Variants in ZSCAN5B observed in about 807,000 individuals in gnomAD.
The protein encoded by ZSCAN5B is zinc finger and SCAN domain containing 5B.
In ZSCAN5B, 26 loss-of-function variants were observed where a neutral mutation model predicts 25.2. That is an observed-to-expected ratio of 1.03 (90% CI 0.76 to 1.43). The LOEUF (loss-of-function observed/expected upper bound fraction) is 1.43, where lower values mean the gene tolerates loss of function less well. Among genes scored for constraint, ZSCAN5B ranks in the 40% most tolerant of loss-of-function variants. ZSCAN5B has a pLI of 0.00. For missense variants in ZSCAN5B, 745 were observed against 622.1 expected, an observed-to-expected ratio of 1.20 and a Z score of -2.10; for synonymous variants, 244 against 240.9, an observed-to-expected ratio of 1.01 and a Z score of -0.12.
chr19:56,189,758 C>G, exon 5 of ZSCAN5B: 5 of 1,522,576 alleles, frequency 3.3e-6, no homozygotes, highest in Non-Finnish European at 3.5e-6. Context: ...TATATGTCAT[C>G]TGGTAACATT....
exon 5 of ZSCAN5B, chr19:56,189,987 T>C (rs1335350044): frequency 6.2e-7 from 1 of 1,613,984 alleles, no homozygotes; most frequent in South Asian, 1.1e-5. Context: ...TTTGCTGCAG[T>C]ATTTACATTT....
chr19:56,192,523 T>C, intron 2 of ZSCAN5B, 146 bp downstream of exon 2: 1 of 1,377,070 alleles, frequency 7.3e-7, no homozygotes, highest in Admixed American at 2.6e-5. Context: ...CCTCACACAG[T>C]GTGTGGGTTC....
chr19:56,189,847 G>C (rs373288645), exon 5 of ZSCAN5B: 2 of 1,609,460 alleles, frequency 1.2e-6, no homozygotes, highest in South Asian at 2.2e-5. Context: ...GTGGTTTCCC[G>C]GTGTGTTTTC....
At chr19:56,192,077 A>G in intron 2 of ZSCAN5B, 24 bp from the exon 3 acceptor site, 1 of 1,585,738 alleles carries the variant, frequency 6.3e-7, no homozygotes, top group Non-Finnish European at 8.6e-7. Context: ...AAAGACAATC[A>G]GACACTATGA....
chr19:56,191,994 A>C, exon 3 of ZSCAN5B: 1 of 1,613,768 alleles, frequency 6.2e-7, no homozygotes, highest in Non-Finnish European at 8.5e-7. Flanking sequence ...CGGGGGCTTC[A>C]GCCATCTCGA....
At chr19:56,190,763 A>G in intron 4 of ZSCAN5B, 74 bp downstream of exon 4, 1 of 1,560,070 alleles carries the variant, frequency 6.4e-7, no homozygotes, top group Non-Finnish European at 8.6e-7. Flanking sequence ...CCAGGGGATG[A>G]TAATGCTGGG....
rs1367532437 is a variant in ZSCAN5B, at chr19:56,191,002, C to T, written c.589-15G>A. 7.4e-6 allele frequency: 12 copies of T among 1,613,960 alleles called. No homozygotes were observed. Among genetic ancestry groups the T allele is most frequent in the Non-Finnish European group, 1.0e-5 (12 of 1,179,974 alleles). ...AAGTCCTCTCCCTGAAGAGGAAAAACCAAGAGCAATGACTGCCGTGTCTAT... is the reference window on the plus strand; with the variant it reads ...AAGTCCTCTCCCTGAAGAGGAAAAATCAAGAGCAATGACTGCCGTGTCTAT... On this transcript the variant is annotated splice_polypyrimidine_tract_variant and intron_variant, in intron 3 of 4. Coordinates refer to ENST00000586855, the Ensembl canonical transcript of ZSCAN5B.
rs2032752808 is a variant in ZSCAN5B at position 56,192,666 on chromosome 19, C to T, written c.384+3G>A. The T allele has an allele frequency of 6.3e-7, 1 of 1,592,706 alleles. No homozygotes were observed. Among genetic ancestry groups the T allele is most frequent in the Non-Finnish European group, 8.6e-7 (1 of 1,167,488 alleles). On this transcript the variant is annotated splice_donor_region_variant and intron_variant, in intron 2 of 4. Coordinates refer to ENST00000586855, the Ensembl canonical transcript of ZSCAN5B. Reference sequence around the variant, plus strand: ...CTGCACCAATCACGAGGTTCCCACTCACCCATTTCTTGGGTCTTCTGTTAT... The same window carrying T: ...CTGCACCAATCACGAGGTTCCCACTTACCCATTTCTTGGGTCTTCTGTTAT...
Position 56,189,893 on chromosome 19 carries a change from C to T in ZSCAN5B, c.1422G>A (p.Lys474=), listed in dbSNP as rs780272286. Residue 474 remains lysine, a synonymous_variant, in exon 5 of 5, where the codon AAG becomes AAA. Coordinates refer to ENST00000586855, the Ensembl canonical transcript of ZSCAN5B. Reference sequence around the variant, plus strand: ...TGAATGTCCCCAGCTGACGGAAGGCCTTTTGACAGGTGGGACATTTGTAGG... The same window carrying T: ...TGAATGTCCCCAGCTGACGGAAGGCTTTTTGACAGGTGGGACATTTGTAGG... 16 of 1,613,930 alleles carry T rather than the reference C, an allele frequency of 9.9e-6. No individual in the cohort carries two copies. In the East Asian group the frequency reaches 3.3e-4, roughly 34 times the overall value.
At chr19:56,197,769 T>C (rs2032829395) in exon 1 of ZSCAN5B, 1 of 985,402 alleles carries the variant, frequency 1.0e-6, no homozygotes, top group Non-Finnish European at 1.2e-6. Flanking sequence ...CTTCTCGGTC[T>C]GGGATGCGCT....
exon 5 of ZSCAN5B, chr19:56,190,512 G>A: frequency 6.2e-7 from 1 of 1,613,836 alleles, no homozygotes; most frequent in Non-Finnish European, 8.5e-7. Context: ...AGGTGTGTCA[G>A]CATCCACATT....
chr19:56,197,313 C>T (rs2032823053), intron 1 of ZSCAN5B, among the ~76,000 whole-genome samples: 2 of 151,754 alleles, frequency 1.3e-5, no homozygotes, highest in African/African-American at 2.4e-5. Flanking sequence ...GCGGGTATTA[C>T]CCTAACCTCT....
exon 2 of ZSCAN5B, chr19:56,192,905 A>C (rs779309402): frequency 6.2e-7 from 1 of 1,614,102 alleles, no homozygotes; most frequent in East Asian, 2.2e-5. Context: ...GGGCAGCTGA[A>C]CATCCTGAAA....
At chr19:56,190,907 C>T (rs1184133925) in exon 4 of ZSCAN5B, 2 of 1,614,142 alleles carry the variant, frequency 1.2e-6, no homozygotes, top group South Asian at 1.1e-5. Context: ...CCTTCAGATC[C>T]TTCTCCAAGG....
intron 1 of ZSCAN5B, among the ~76,000 whole-genome samples, chr19:56,196,532 A>ACACACCTTGTGTACAAGGTT (rs1177496387): frequency 6.6e-6 from 1 of 152,184 alleles, no homozygotes; most frequent in Non-Finnish European, 1.5e-5. Context: ...TGCTCGATTT[A>ACACACCTTGTGTACAAGGTT]GCCGTTGCAC....
chr19:56,189,923 C>G lies in ZSCAN5B; in HGVS notation c.1392G>C (p.Glu464Asp), dbSNP rs906231988. The G allele has an allele frequency of 1.1e-5, 18 of 1,613,936 alleles. No homozygotes were observed. The highest frequency in any genetic ancestry group is 1.5e-5 in the Non-Finnish European group (18 of 1,179,944). ...GACAGGTGGGACATTTGTAGGGCTT[C>G]TCTCCGGAGTGGGTGCGCTGGTGAA... The change falls in exon 5 of 5, where the codon GAG becomes GAC. Residue 464 changes from glutamate (E) to aspartate (D), a missense_variant. Physicochemically the swap from Glu to Asp is conservative, Grantham distance 45 (BLOSUM62 2). Coordinates refer to ENST00000586855, the Ensembl canonical transcript of ZSCAN5B.
chr19:56,196,546 G>A (rs2032812987), intron 1 of ZSCAN5B, among the ~76,000 whole-genome samples: 1 of 152,104 alleles, frequency 6.6e-6, no homozygotes, highest in South Asian at 2.1e-4. Flanking sequence ...GTTGCACAAT[G>A]CGTACACACC....
rs761690422 is a variant in ZSCAN5B at position 56,192,983 on chromosome 19, G to A, written c.70C>T (p.Arg24Trp). ...TGAGTTTCTGGGGACGCCACAGACC[G>A]TGGAGTGTCTGACCCAGGGCTGTTG... The change falls in exon 2 of 5, where the codon CGG becomes TGG. Residue 24 changes from arginine (R) to tryptophan (W), a missense_variant. Transcript: ENST00000586855. 2.0e-5 allele frequency: 32 copies of A among 1,607,730 alleles called. No individual in the cohort carries two copies. In the Middle Eastern group the frequency reaches 4.9e-4, roughly 25 times the overall value.
chr19:56,193,657 G>T (rs1211021384), intron 1 of ZSCAN5B, among the ~76,000 whole-genome samples: 1 of 152,156 alleles, frequency 6.6e-6, no homozygotes, highest in Non-Finnish European at 1.5e-5. Flanking sequence ...CAGGGAAGAG[G>T]TGTCACTAAA....
Sources: allele counts gnomAD v4.1 joint callset (sites outside exome capture counted in the v4.1 genomes callset), GRCh38; gene constraint gnomAD v4.1.1; transcripts MANE v1.5; gene names NCBI Gene and HGNC (gene_info 2026-07-23, HGNC 2026-07-21).